GNB5: variants seen among roughly 807,000 people sequenced by gnomAD.
GNB5 encodes the protein G protein subunit beta 5.
GNB5 carries 37 observed loss-of-function variants against 55.3 expected under a neutral mutation model. The ratio of observed to expected loss-of-function variants is 0.67; its 90% CI spans 0.51 to 0.88. GNB5 has a LOEUF of 0.88. Among genes scored for constraint, GNB5 ranks in the 40% least tolerant of loss-of-function variants. The pLI is 0.00. For missense variants in GNB5, 476 were observed against 515.3 expected, an observed-to-expected ratio of 0.92 and a Z score of 0.74; for synonymous variants, 219 against 198.5, an observed-to-expected ratio of 1.10 and a Z score of -0.87.
chr15:52,151,069 A>G (rs931201925), intron 4 of GNB5, among the ~76,000 whole-genome samples: 10 of 152,244 alleles, frequency 6.6e-5, no homozygotes, highest in Admixed American at 5.9e-4. Context: ...TGGACCCTGA[A>G]GCAAGGTCAA....
At chr15:52,163,196 G>A (rs919628372) in intron 3 of GNB5, among the ~76,000 whole-genome samples, 4 of 152,332 alleles carry the variant, frequency 2.6e-5, no homozygotes, top group African/African-American at 7.2e-5. Context: ...AGATCACCTC[G>A]TGAGCCCAAG....
chr15:52,157,094 C>T (rs1050929059), intron 3 of GNB5, among the ~76,000 whole-genome samples: 3 of 151,534 alleles, frequency 2.0e-5, no homozygotes, highest in Non-Finnish European at 4.4e-5. Context: ...CGCCACCACT[C>T]CTGGCTAATT....
intron 11 of GNB5, 28 bp downstream of exon 11, chr15:52,125,920 G>T: frequency 1.1e-6 from 1 of 937,816 alleles, no homozygotes; most frequent in South Asian, 1.4e-5. Context: ...TTACAGTCCT[G>T]GGAAAAGTTT....
Position 52,141,247 on chromosome 15 carries a change from A to G in GNB5, c.520T>C (p.Tyr174His). ...CGGLDNKCSV[Y>H]PLTFDKNENM... ...TCATTTTTGTCAAACGTCAAGGGGT[A>G]CACAGAACACTTATTATCCAAACCA... Residue 174 changes from tyrosine to histidine, a missense_variant, in exon 7 of 13, where the codon TAC (tyrosine) becomes CAC (histidine). By Grantham distance (83) the Tyr-to-His change is moderately conservative. Transcript: ENST00000261837. The G allele has an allele frequency of 6.2e-7, 1 of 1,613,920 alleles. No individual in the cohort carries two copies. Among genetic ancestry groups the G allele is most frequent in the Non-Finnish European group, 8.5e-7 (1 of 1,179,758 alleles).
chr15:52,145,443 C>G (rs2033951227), intron 6 of GNB5, among the ~76,000 whole-genome samples: 1 of 151,400 alleles, frequency 6.6e-6, no homozygotes. Context: ...AGTTCGAGAC[C>G]ACCCTGGCCA....
At chr15:52,147,807 T>C (rs1850930721) in intron 5 of GNB5, among the ~76,000 whole-genome samples, 1 of 152,190 alleles carries the variant, frequency 6.6e-6, no homozygotes, top group African/African-American at 2.4e-5. Flanking sequence ...GGTCTCGAAC[T>C]CCTGACTTCA....
intron 8 of GNB5, among the ~76,000 whole-genome samples, chr15:52,134,691 T>C (rs1186553900): frequency 6.6e-6 from 1 of 152,040 alleles, no homozygotes; most frequent in Non-Finnish European, 1.5e-5. Flanking sequence ...GCTCCCAGGA[T>C]CGATATGTGG....
chr15:52,132,495 T>TG (rs936246172), intron 9 of GNB5, among the ~76,000 whole-genome samples: 3 of 151,486 alleles, frequency 2.0e-5, no homozygotes, highest in African/African-American at 7.3e-5. Context: ...TGGGTTTTTT[T>TG]TTTTTTTTTT....
At chr15:52,127,957 T>C (rs2033469493) in intron 10 of GNB5, among the ~76,000 whole-genome samples, 1 of 152,152 alleles carries the variant, frequency 6.6e-6, no homozygotes, top group Admixed American at 6.5e-5. Flanking sequence ...TCACATTCTG[T>C]TAAGTGAAAA....
chr15:52,188,219 G>T (rs2034872787), intron 1 of GNB5, among the ~76,000 whole-genome samples: 1 of 152,098 alleles, frequency 6.6e-6, no homozygotes, highest in African/African-American at 2.4e-5. Context: ...TCCAATTTTT[G>T]AGTCCTATGG....
At chr15:52,143,244 G>GTCCTCCCT (rs1409723443) in intron 6 of GNB5, among the ~76,000 whole-genome samples, 6 of 151,952 alleles carry the variant, frequency 3.9e-5, no homozygotes, top group African/African-American at 9.7e-5. Context: ...GTGGACTATG[G>GTCCTCCCT]TCCTCCCTGA....
intron 12 of GNB5, among the ~76,000 whole-genome samples, chr15:52,123,962 T>C (rs971272184): frequency 1.6e-5 from 2 of 122,854 alleles, no homozygotes; most frequent in Middle Eastern, 6.4e-3. Flanking sequence ...ATTTGGCATA[T>C]AATTTCAGGG....
At chr15:52,157,080 C>T (rs1198914457) in intron 3 of GNB5, among the ~76,000 whole-genome samples, 5 of 151,016 alleles carry the variant, frequency 3.3e-5, no homozygotes, top group Non-Finnish European at 4.4e-5. Context: ...GGACTACAGG[C>T]GCCCGCCACC....
intron 8 of GNB5, 134 bp from the exon 9 acceptor site, chr15:52,133,603 G>C (rs2033632904): frequency 3.2e-6 from 2 of 634,014 alleles, no homozygotes; most frequent in Non-Finnish European, 2.8e-6. Flanking sequence ...TCTGAGACTA[G>C]CTTTACCTGA....
intron 5 of GNB5, among the ~76,000 whole-genome samples, chr15:52,149,082 G>A (rs2034037402): frequency 6.6e-6 from 1 of 152,202 alleles, no homozygotes; most frequent in Non-Finnish European, 1.5e-5. Flanking sequence ...TCAGGGGACT[G>A]ACCATTAGGG....
At chr15:52,185,771 A>G (rs1326155318) in intron 1 of GNB5, among the ~76,000 whole-genome samples, 1 of 146,610 alleles carries the variant, frequency 6.8e-6, no homozygotes, top group African/African-American at 2.5e-5. Context: ...TATTATTATT[A>G]TTATTATTAT....
intron 3 of GNB5, among the ~76,000 whole-genome samples, chr15:52,157,725 G>A (rs2034244484): frequency 6.6e-6 from 1 of 151,838 alleles, no homozygotes; most frequent in Non-Finnish European, 1.5e-5. Flanking sequence ...CCAAAATAGG[G>A]CCCTCCTTAC....
At chr15:52,125,906 T>A (rs750293976) in intron 11 of GNB5, 42 bp downstream of exon 11, 1 of 807,406 alleles carries the variant, frequency 1.2e-6, no homozygotes, top group Non-Finnish European at 2.1e-6. Flanking sequence ...ATTCTGGTCC[T>A]GTCTTACAGT....
In GNB5 at chr15:52,154,027, C is replaced by T; in HGVS notation, c.288G>A (p.Lys96=). 3 of 1,614,166 alleles carry T rather than the reference C, an allele frequency of 1.9e-6. No homozygotes were observed. The highest frequency in any genetic ancestry group is 2.5e-6 in the Non-Finnish European group (3 of 1,179,962). The change falls in exon 4 of 13, where the codon AAG becomes AAA. Residue 96 remains lysine (K), a synonymous_variant. Coordinates refer to ENST00000261837, the MANE Select transcript of GNB5 (RefSeq NM_016194.4). ...CGTGGCCTTTGAGGGTCCTTCTGGT[C>T]TTCATGACAAACTGCCCCAGGGCCT... ...RVEALGQFVM[K]TRRTLKGHGN... is the part of the protein sequence containing the mutation.
Sources: gnomAD v4.1 joint callset for allele counts (sites outside exome capture counted in the v4.1 genomes callset) on GRCh38, gnomAD v4.1.1 for gene constraint, MANE v1.5 for transcripts, NCBI Gene and HGNC (gene_info 2026-07-23, HGNC 2026-07-21) for gene names.